The following AGFG1 variants were observed in gnomAD, a reference collection of about 807,000 sequenced individuals.
AGFG1 encodes arf-GAP domain and FG repeat-containing protein 1.
In AGFG1, 10 loss-of-function variants were observed where a neutral mutation model predicts 60.6. That is an observed-to-expected ratio of 0.16 (90% CI 0.10 to 0.28). The LOEUF (loss-of-function observed/expected upper bound fraction) is 0.28, where lower values mean the gene tolerates loss of function less well. Among genes scored for constraint, AGFG1 ranks in the 10% least tolerant of loss-of-function variants. The probability of loss-of-function intolerance (pLI) is 1.00; values close to 1 mark genes in which losing one functional copy is unlikely to be tolerated. For missense variants in AGFG1, 537 were observed against 676.5 expected, an observed-to-expected ratio of 0.79 and a Z score of 2.29; for synonymous variants, 247 against 242.9, an observed-to-expected ratio of 1.02 and a Z score of -0.16.
At chr2:227,528,931 T>C (rs964470787) in intron 5 of AGFG1, among the ~76,000 whole-genome samples, 1 of 152,230 alleles carries the variant, frequency 6.6e-6, no homozygotes, top group Non-Finnish European at 1.5e-5. Flanking sequence ...CTTAACTGTT[T>C]TGTTCCTTGT....
rs145215642 is a variant in AGFG1 at position 227,496,712 on chromosome 2, C to T, written c.261+5072C>T. 2.1e-4 allele frequency among the ~76,000 whole-genome samples: 32 copies of T among 152,280 alleles called. No homozygotes were observed. The East Asian group carries it at 5.8e-3, about 28-fold the overall frequency. ...GCTAGGATTTTTTGAATTAGGCCAA[C>T]TTGTGAAAATTCCCAGCGTATTTCT... On this transcript the variant is annotated intron_variant, in intron 2 of 12. Coordinates refer to ENST00000310078, the MANE Select transcript of AGFG1 (RefSeq NM_004504.5).
chr2:227,554,502 A>G lies in AGFG1; in HGVS notation c.*7A>G, dbSNP rs367591360. 2.4e-5 allele frequency: 38 copies of G among 1,612,054 alleles called. No individual in the cohort carries two copies. Among genetic ancestry groups the G allele is most frequent in the Admixed American group, 2.3e-4 (14 of 59,734 alleles). On this transcript the variant is annotated 3_prime_UTR_variant, in exon 13 of 13. Transcript: ENST00000310078. ...AACCAATCCTTTCTTATAGCCTTAT[A>G]TAGACAATTTACTGGAACGAACTTT...
rs2106255424 is a variant in AGFG1, at chr2:227,561,120, CT to C, written c.*6628del. 1 of 152,160 alleles carries C rather than the reference CT, an allele frequency of 6.6e-6. No homozygotes were observed. Among genetic ancestry groups the C allele is most frequent in the South Asian group, 2.1e-4 (1 of 4,832 alleles). The allele number at this position is 152,160 out of a possible 1,614,324, so 9.4% of individuals were successfully genotyped here. A position where few individuals can be genotyped will look rare whatever the true frequency, so the allele number is the denominator to read the frequency against. On this transcript the variant is annotated 3_prime_UTR_variant, in exon 13 of 13. Transcript: ENST00000310078. ...GTTTTCAATATTCATTTCTGAAATA[CT>C]TTAGTATGATAGATAAATTTGGTTA...
At chr2:227,539,442 C>CAAAAAAA (rs542351308) in intron 10 of AGFG1, among the ~76,000 whole-genome samples, 6,829 of 38,696 alleles carry the variant, frequency 0.18, 454 homozygotes, top group African/African-American at 0.27. Context: ...GACTCTGTCT[C>CAAAAAAA]AAAAAAAACA....
chr2:227,488,470 C>T (rs182613501), intron 1 of AGFG1, among the ~76,000 whole-genome samples: 1 of 152,186 alleles, frequency 6.6e-6, no homozygotes. Flanking sequence ...GATATGTCCT[C>T]ATCAGAAAGT....
In AGFG1 at chr2:227,534,875, C is replaced by T; in HGVS notation, c.1055C>T (p.Thr352Ile). 1.2e-6 allele frequency: 2 copies of T among 1,613,720 alleles called. No homozygotes were observed. The highest frequency in any genetic ancestry group is 1.7e-6 in the Non-Finnish European group (2 of 1,179,772). The change falls in exon 8 of 13, where the codon ACA becomes ATA. Residue 352 changes from threonine (T) to isoleucine (I), a missense_variant. Thr to Ile is a moderately conservative substitution (Grantham distance 89). This residue lies in a region of AGFG1 where 287 missense variants were observed against 343.6 expected (regional missense o/e 0.84). Coordinates refer to ENST00000310078, the MANE Select transcript of AGFG1 (RefSeq NM_004504.5). ...GGDQGSGFGT[T>I]GKAPVGSVVS... The stretch of plus-strand genomic sequence containing the variant: ...GATCAGGGAAGTGGCTTTGGGACCA[C>T]AGGTAAAGCTCCTGTTGGTTCTGTG...
chr2:227,547,954 A>G (rs780022644), intron 10 of AGFG1, among the ~76,000 whole-genome samples: 2 of 152,264 alleles, frequency 1.3e-5, no homozygotes, highest in Non-Finnish European at 2.9e-5. Flanking sequence ...GTGCCCGTCA[A>G]CTGATGAAAC....
At chr2:227,549,912 G>T (rs1692770497) in intron 10 of AGFG1, 1 of 241,818 alleles carries the variant, frequency 4.1e-6, no homozygotes, top group Non-Finnish European at 8.7e-6. Flanking sequence ...CTTATTTTGT[G>T]AATGTGTTTT....
At chr2:227,521,794 C>T (rs1432435167) in intron 3 of AGFG1, among the ~76,000 whole-genome samples, 1 of 152,144 alleles carries the variant, frequency 6.6e-6, no homozygotes, top group African/African-American at 2.4e-5. Context: ...ACATTTATAA[C>T]AGTAATGTAT....
intron 2 of AGFG1, among the ~76,000 whole-genome samples, chr2:227,492,031 A>G (rs1416978321): frequency 6.6e-6 from 1 of 151,900 alleles, no homozygotes; most frequent in African/African-American, 2.4e-5. Context: ...GAAGTCCTCT[A>G]TTTTTCGTAA....
intron 10 of AGFG1, among the ~76,000 whole-genome samples, chr2:227,542,568 T>C (rs1393119344): frequency 6.6e-6 from 1 of 152,228 alleles, no homozygotes; most frequent in African/African-American, 2.4e-5. Context: ...TGCCAGTATT[T>C]TATTGAGGAT....
chr2:227,553,514 G>T (rs766290435), intron 11 of AGFG1, among the ~76,000 whole-genome samples, 190 bp from the exon 12 acceptor site: 1 of 150,436 alleles, frequency 6.6e-6, no homozygotes, highest in African/African-American at 2.4e-5. Flanking sequence ...AAAAAAAAAG[G>T]TTATTTTAAG....
At chr2:227,508,624 A>G in intron 2 of AGFG1, 1 of 470,836 alleles carries the variant, frequency 2.1e-6, no homozygotes, top group Non-Finnish European at 4.4e-6. Flanking sequence ...GGGAGTGAGA[A>G]TGCTTTGCTT....
chr2:227,551,091 C>T (rs1692805201), intron 10 of AGFG1, among the ~76,000 whole-genome samples: 1 of 152,158 alleles, frequency 6.6e-6, no homozygotes, highest in Non-Finnish European at 1.5e-5. Context: ...ACACATTTCT[C>T]CCGATGTGGT....
At chr2:227,475,490 A>G (rs906244868) in intron 1 of AGFG1, among the ~76,000 whole-genome samples, 2 of 152,244 alleles carry the variant, frequency 1.3e-5, no homozygotes, top group Non-Finnish European at 2.9e-5. Context: ...TGGAGGGACA[A>G]TAGCTTCTGA....
At chr2:227,544,248 G>T (rs1307628930) in intron 10 of AGFG1, among the ~76,000 whole-genome samples, 2 of 146,174 alleles carry the variant, frequency 1.4e-5, no homozygotes, top group African/African-American at 5.1e-5. Flanking sequence ...TCCGCCTCCT[G>T]GGTTCACGCC....
chr2:227,479,037 A>G (rs1168991245), intron 1 of AGFG1, among the ~76,000 whole-genome samples: 2 of 152,244 alleles, frequency 1.3e-5, no homozygotes, highest in Admixed American at 1.3e-4. Context: ...TTTGATAAGC[A>G]TAAAACTCAC....
intron 1 of AGFG1, among the ~76,000 whole-genome samples, chr2:227,476,464 T>C (rs1171185014): frequency 6.6e-6 from 1 of 152,206 alleles, no homozygotes; most frequent in Non-Finnish European, 1.5e-5. Flanking sequence ...TCCATAAATT[T>C]TTCAGTGAGG....
chr2:227,530,551 A>G (rs1692127078), intron 5 of AGFG1, among the ~76,000 whole-genome samples: 1 of 152,080 alleles, frequency 6.6e-6, no homozygotes, highest in Admixed American at 6.6e-5. Flanking sequence ...GAATATCTTC[A>G]ATTTATTTGG....
Sources: allele counts gnomAD v4.1 joint callset (sites outside exome capture counted in the v4.1 genomes callset), GRCh38; gene constraint gnomAD v4.1.1; regional missense constraint gnomAD v4.1.1; transcripts MANE v1.5; gene names NCBI Gene and HGNC (gene_info 2026-07-23, HGNC 2026-07-21).